CYP4F22: variants seen among roughly 807,000 people sequenced by gnomAD.
CYP4F22 encodes the protein ultra-long-chain fatty acid omega-hydroxylase.
Under a neutral mutation model 60.4 loss-of-function variants are expected in CYP4F22, and 37 were observed. That is an observed-to-expected ratio of 0.61 (90% confidence interval 0.47 to 0.81). The LOEUF (loss-of-function observed/expected upper bound fraction) is 0.81, where lower values mean the gene tolerates loss of function less well. CYP4F22 is among the 30% of genes least tolerant of loss of function. CYP4F22 has a pLI of 0.00. For synonymous variants in CYP4F22, 258 were observed against 280.5 expected, an observed-to-expected ratio of 0.92 and a Z score of 0.80; for missense variants, 655 against 715.0, an observed-to-expected ratio of 0.92 and a Z score of 0.96.
intron 1 of CYP4F22, among the ~76,000 whole-genome samples, chr19:15,514,864 G>A (rs942633184): frequency 4.6e-5 from 7 of 152,186 alleles, no homozygotes; most frequent in Non-Finnish European, 1.0e-4. Context: ...TAGAAGTTAG[G>A]TCATGCTGAA....
chr19:15,540,732 C>T lies in CYP4F22; in HGVS notation c.939+15C>T, dbSNP rs879052602. The stretch of plus-strand genomic sequence containing the variant: ...TCCTGGCCAGGGTGAGGCTGGGCCC[C>T]CTGGAATTGCTGGCCTCCCGAGGGC... On this transcript the variant is annotated intron_variant, in intron 8 of 13. Coordinates refer to ENST00000269703, the MANE Select transcript of CYP4F22 (RefSeq NM_173483.4). 2 of 1,469,780 alleles carry T rather than the reference C, an allele frequency of 1.4e-6. No individual in the cohort carries two copies. The highest frequency in any genetic ancestry group is 2.7e-5 in the African/African-American group (1 of 37,204). The allele number at this position is 1,469,780 out of a possible 1,614,324, so 91.0% of individuals were successfully genotyped here. A position where few individuals can be genotyped will look rare whatever the true frequency, so the allele number is the denominator to read the frequency against.
intron 1 of CYP4F22, among the ~76,000 whole-genome samples, 156 bp downstream of exon 1, chr19:15,508,739 C>T (rs1282707285): frequency 6.6e-6 from 1 of 152,038 alleles, no homozygotes. Context: ...CCCCCAGGAC[C>T]CAGGACGGGG....
Position 15,532,468 on chromosome 19 carries a change from G to A in CYP4F22, c.367+2615G>A, listed in dbSNP as rs939863512. The stretch of plus-strand genomic sequence containing the variant: ...CAGCTCACTGCAACCTCTGCCTCCC[G>A]AGTTCAAGTGATTCTCCTGTCTCAG... On this transcript the variant is annotated intron_variant, in intron 4 of 13. Coordinates refer to ENST00000269703, the MANE Select transcript of CYP4F22 (RefSeq NM_173483.4). Among the ~76,000 whole-genome samples the A allele has an allele frequency of 4.6e-5, 7 of 151,632 alleles. 1 individual carries two copies. Among genetic ancestry groups the A allele is most frequent in the Non-Finnish European group, 7.4e-5 (5 of 67,958 alleles).
At chr19:15,510,891 G>T (rs1971080967) in intron 1 of CYP4F22, among the ~76,000 whole-genome samples, 2 of 150,734 alleles carry the variant, frequency 1.3e-5, no homozygotes, top group Non-Finnish European at 2.9e-5. Context: ...GGCTAAGGCT[G>T]GAGGATGGTT....
chr19:15,517,638 G>A (rs61295533), intron 1 of CYP4F22, among the ~76,000 whole-genome samples: 5,489 of 152,250 alleles, frequency 0.036, 131 homozygotes, highest in Middle Eastern at 0.092. Context: ...TCCTGGGTGC[G>A]AGTTGGGGGC....
intron 1 of CYP4F22, among the ~76,000 whole-genome samples, chr19:15,522,289 A>G (rs1422341115): frequency 6.6e-6 from 1 of 151,896 alleles, no homozygotes; most frequent in Non-Finnish European, 1.5e-5. Flanking sequence ...TGTAGTCTGT[A>G]TTTTAAGTCA....
chr19:15,529,136 T>TTATTTTA (rs58940568), intron 3 of CYP4F22, among the ~76,000 whole-genome samples: 26 of 149,690 alleles, frequency 1.7e-4, no homozygotes, highest in Non-Finnish European at 3.5e-4. Context: ...TTATTTTATT[T>TTATTTTA]TTTTTTTTTG....
chr19:15,521,879 T>A (rs2144508008), intron 1 of CYP4F22, among the ~76,000 whole-genome samples: 1 of 152,182 alleles, frequency 6.6e-6, no homozygotes, highest in African/African-American at 2.4e-5. Flanking sequence ...GCGTGGTGGC[T>A]CACGCCTGTA....
At position 15,544,208 on chromosome 19, in the gene CYP4F22, G is replaced by A. The variant is rs371911971; in HGVS notation, c.1065G>A (p.Pro355=). 11 of 1,614,002 alleles carry A rather than the reference G, an allele frequency of 6.8e-6. No individual in the cohort carries two copies. The highest frequency in any genetic ancestry group is 4.5e-5 in the East Asian group (2 of 44,890). The part of the protein sequence containing the change: ...SWMLFNLAKY[P]EYQEKCREEI... ...TGCTGTTCAATTTGGCAAAGTATCCGGAATACCAGGAGAAATGCCGAGAAG... is the reference window on the plus strand; with the variant it reads ...TGCTGTTCAATTTGGCAAAGTATCCAGAATACCAGGAGAAATGCCGAGAAG... Residue 355 remains proline, a synonymous_variant, in exon 10 of 14, where the codon CCG becomes CCA. Transcript: ENST00000269703.
At position 15,540,613 on chromosome 19, in the gene CYP4F22, A is replaced by C. The variant is rs761445302; in HGVS notation, c.835A>C (p.Ile279Leu). The C allele has an allele frequency of 6.2e-7, 1 of 1,614,230 alleles. No homozygotes were observed. The highest frequency in any genetic ancestry group is 1.1e-5 in the South Asian group (1 of 91,088). The change falls in exon 8 of 14, where the codon ATC becomes CTC. Residue 279 changes from isoleucine (I) to leucine (L), a missense_variant. Around this residue, in one of 3 missense-constraint regions of CYP4F22, gnomAD observed 430 missense variants for 457.1 expected, o/e 0.94. Coordinates refer to ENST00000269703, the MANE Select transcript of CYP4F22 (RefSeq NM_173483.4). ...GGTGCACCACTTCACCACTGAAGTC[A>C]TCCAGGAACGGCGGCGGGCACTGCG... Reference protein sequence around the residue: ...DMVHHFTTEVIQERRRALRQQ... With the variant: ...DMVHHFTTEVLQERRRALRQQ...
intron 13 of CYP4F22, 71 bp downstream of exon 13, chr19:15,550,827 C>T: frequency 1.3e-6 from 2 of 1,565,100 alleles, no homozygotes; most frequent in Non-Finnish European, 8.8e-7. Context: ...CAGGAATGTG[C>T]CTCTCAGGAG....
chr19:15,512,209 A>G (rs1052244661), intron 1 of CYP4F22, among the ~76,000 whole-genome samples: 1 of 152,176 alleles, frequency 6.6e-6, no homozygotes, highest in African/African-American at 2.4e-5. Flanking sequence ...CCCATTTCAC[A>G]GATTGGCAAA....
intron 10 of CYP4F22, among the ~76,000 whole-genome samples, chr19:15,547,605 C>T (rs925782280): frequency 6.6e-6 from 1 of 151,964 alleles, no homozygotes; most frequent in African/African-American, 2.4e-5. Context: ...GGTGGATTGC[C>T]TGAGGTCAGG....
intron 10 of CYP4F22, among the ~76,000 whole-genome samples, chr19:15,545,648 C>CAAAAAAAAAAAAAAAAA (rs1217096575): frequency 2.1e-4 from 8 of 38,950 alleles, no homozygotes; most frequent in Non-Finnish European, 2.8e-4. Flanking sequence ...GACCCTGTCT[C>CAAAAAAAAAAAAAAAAA]AAAAAAAAAA....
chr19:15,548,996 A>C, intron 11 of CYP4F22, 142 bp from the exon 12 acceptor site: 1 of 884,414 alleles, frequency 1.1e-6, no homozygotes, highest in Non-Finnish European at 1.8e-6. Context: ...GGGGCAGCAG[A>C]ATTTTTTAGA....
At chr19:15,535,928 G>A (rs1359885854) in intron 4 of CYP4F22, among the ~76,000 whole-genome samples, 1 of 152,198 alleles carries the variant, frequency 6.6e-6, no homozygotes. Flanking sequence ...TCAGGGGTGG[G>A]GAGAAGCATT....
At position 15,529,860 on chromosome 19, in the gene CYP4F22, G is replaced by A. The variant is rs1448442722; in HGVS notation, c.367+7G>A. On this transcript the variant is annotated splice_region_variant and intron_variant, in intron 4 of 13. Transcript: ENST00000269703. ...CCCCTTTTGGGAGCCTCAGGTACGT[G>A]GGCTGGGCCTCCGATCTATGGTTGA... 6.2e-7 allele frequency: 1 copy of A among 1,613,856 alleles called. No individual in the cohort carries two copies. The highest frequency in any genetic ancestry group is 2.2e-5 in the East Asian group (1 of 44,876).
intron 1 of CYP4F22, among the ~76,000 whole-genome samples, chr19:15,510,209 T>G (rs1274605338): frequency 6.6e-6 from 1 of 151,958 alleles, no homozygotes; most frequent in African/African-American, 2.4e-5. Context: ...CTTGAACTCT[T>G]GGGCTCAAGT....
chr19:15,537,297 TA>T (rs544958945), intron 4 of CYP4F22, 63 bp from the exon 5 acceptor site: 1,448 of 1,451,266 alleles, frequency 1.0e-3, no homozygotes, highest in Non-Finnish European at 1.1e-3. Flanking sequence ...CAAGACTCCG[TA>T]AAAAAAAACA....
Sources: allele counts gnomAD v4.1 joint callset (sites outside exome capture counted in the v4.1 genomes callset), GRCh38; gene constraint gnomAD v4.1.1; regional missense constraint gnomAD v4.1.1; transcripts MANE v1.5; gene names NCBI Gene and HGNC (gene_info 2026-07-23, HGNC 2026-07-21).